TXNRD1: variants seen among roughly 807,000 people sequenced by gnomAD.
The protein encoded by TXNRD1 is thioredoxin reductase 1.
TXNRD1 carries 57 observed loss-of-function variants against 80.3 expected under a neutral mutation model. The ratio of observed to expected loss-of-function variants is 0.71; its 90% CI spans 0.57 to 0.89. TXNRD1 has a LOEUF of 0.89. Among genes scored for constraint, TXNRD1 ranks in the 40% least tolerant of loss-of-function variants. TXNRD1 has a pLI of 0.00. For synonymous variants in TXNRD1, 291 were observed against 285.2 expected, an observed-to-expected ratio of 1.02 and a Z score of -0.20; for missense variants, 730 against 803.0, an observed-to-expected ratio of 0.91 and a Z score of 1.10.
chr12:104,348,389 G>T lies in TXNRD1; in HGVS notation c.1918G>T (p.Ala640Ser). The part of the protein sequence containing the change: ...TTLSVTKRSG[A>S]SILQAGCUG ...ATTGTCTGTGACCAAGCGCTCTGGG[G>T]CAAGCATCCTCCAGGCTGGCTGCTG... Residue 640 changes from alanine (A) to serine (S), a missense_variant, in exon 17 of 17, where the codon GCA becomes TCA. By Grantham distance (99) the Ala-to-Ser change is moderately conservative (BLOSUM62 1). Coordinates refer to ENST00000525566, the MANE Select transcript of TXNRD1 (RefSeq NM_001093771.3). The T allele has an allele frequency of 2.5e-6, 4 of 1,614,022 alleles. No homozygotes were observed. Among genetic ancestry groups the T allele is most frequent in the Non-Finnish European group, 2.5e-6 (3 of 1,179,898 alleles).
At chr12:104,240,411 TTGAC>T (rs1186591574) in intron 1 of TXNRD1, among the ~76,000 whole-genome samples, 1 of 152,198 alleles carries the variant, frequency 6.6e-6, no homozygotes, top group Non-Finnish European at 1.5e-5. Context: ...GTTGGTCACA[TTGAC>T]TGAACATTTT....
intron 3 of TXNRD1, among the ~76,000 whole-genome samples, chr12:104,260,478 C>CA (rs11295921): frequency 5.3e-5 from 8 of 151,700 alleles, no homozygotes; most frequent in Non-Finnish European, 7.4e-5. Flanking sequence ...ACAAAACAAA[C>CA]AAAAAAAAAA....
intron 1 of TXNRD1, among the ~76,000 whole-genome samples, chr12:104,226,200 C>CA (rs559320137): frequency 7.3e-5 from 11 of 149,910 alleles, no homozygotes; most frequent in East Asian, 5.9e-4. Flanking sequence ...AACTCTGTCT[C>CA]AAAAAAAACA....
chr12:104,275,508 T>G (rs2033739055), intron 3 of TXNRD1, among the ~76,000 whole-genome samples: 1 of 151,782 alleles, frequency 6.6e-6, no homozygotes, highest in Non-Finnish European at 1.5e-5. Context: ...CTCAGCCTCC[T>G]GAGTAGCTGG....
intron 11 of TXNRD1, 133 bp downstream of exon 11, chr12:104,325,562 A>C: frequency 1.5e-6 from 1 of 667,800 alleles, no homozygotes; most frequent in Non-Finnish European, 2.6e-6. Flanking sequence ...AGACATCTCA[A>C]TAACTTATGA....
rs200644729 is a variant in TXNRD1 at position 104,303,987 on chromosome 12, C to T, written c.415-7303C>T. The stretch of plus-strand genomic sequence containing the variant: ...GCGGGCTGCTCCGACGACCTCAGCT[C>T]TGGGGAGGCCGACGTAGACCCAAAG... On this transcript the variant is annotated intron_variant, in intron 4 of 16. Transcript: ENST00000525566. The T allele has an allele frequency of 1.7e-4, 267 of 1,608,514 alleles. No homozygotes were observed. The African/African-American group carries it at 3.4e-3, about 21-fold the overall frequency.
In TXNRD1 at chr12:104,273,773, A is replaced by G. The variant is rs185207314; in HGVS notation, c.305-15158A>G. 1.8e-3 allele frequency among the ~76,000 whole-genome samples: 278 copies of G among 152,382 alleles called. 2 individuals carry two copies. Among genetic ancestry groups the G allele is most frequent in the Middle Eastern group, 0.017 (5 of 294 alleles). Reference sequence around the variant, plus strand: ...ATGGTGAAGAAAGAGGAAGAGGATTAGAAAACCTGCCCCCAAAGCAATAGT... The same window carrying G: ...ATGGTGAAGAAAGAGGAAGAGGATTGGAAAACCTGCCCCCAAAGCAATAGT... On this transcript the variant is annotated intron_variant, in intron 3 of 16. Coordinates refer to ENST00000525566, the MANE Select transcript of TXNRD1 (RefSeq NM_001093771.3).
chr12:104,332,559 G>A (rs934249018), intron 14 of TXNRD1, among the ~76,000 whole-genome samples: 4 of 151,970 alleles, frequency 2.6e-5, no homozygotes, highest in Non-Finnish European at 5.9e-5. Context: ...AGACCAGCCT[G>A]ACCAACGTGG....
At chr12:104,267,123 G>T (rs755888319) in intron 3 of TXNRD1, among the ~76,000 whole-genome samples, 2 of 147,662 alleles carry the variant, frequency 1.4e-5, no homozygotes, top group East Asian at 2.0e-4. Flanking sequence ...CCGAGATCGC[G>T]CCACTGCACT....
chr12:104,272,595 C>T, intron 3 of TXNRD1, among the ~76,000 whole-genome samples: 1 of 152,056 alleles, frequency 6.6e-6, no homozygotes, highest in Non-Finnish European at 1.5e-5. Flanking sequence ...GAGATCAAGA[C>T]CATCCTGGCT....
At chr12:104,236,975 T>G (rs568193335) in intron 1 of TXNRD1, among the ~76,000 whole-genome samples, 1 of 151,664 alleles carries the variant, frequency 6.6e-6, no homozygotes, top group East Asian at 1.9e-4. Context: ...GGCCCTAAGA[T>G]AACTTCTGGT....
intron 4 of TXNRD1, among the ~76,000 whole-genome samples, chr12:104,298,461 C>T (rs1452784711): frequency 6.6e-6 from 1 of 152,148 alleles, no homozygotes; most frequent in African/African-American, 2.4e-5. Flanking sequence ...CGCAGTGGCT[C>T]ACACCTGTAA....
At chr12:104,304,013 C>A (rs1318459962) in intron 4 of TXNRD1, 2 of 1,611,938 alleles carry the variant, frequency 1.2e-6, no homozygotes. Flanking sequence ...AGACCCAAAG[C>A]TCCTGGAGCT....
chr12:104,235,938 C>A (rs1490506483), intron 1 of TXNRD1, among the ~76,000 whole-genome samples: 1 of 152,130 alleles, frequency 6.6e-6, no homozygotes, highest in Non-Finnish European at 1.5e-5. Flanking sequence ...ATCAAGTAAA[C>A]CAGTTTGTTA....
intron 1 of TXNRD1, among the ~76,000 whole-genome samples, chr12:104,231,233 T>A (rs1038956531): frequency 6.6e-6 from 1 of 152,110 alleles, no homozygotes; most frequent in African/African-American, 2.4e-5. Flanking sequence ...CCCTAACTGC[T>A]GTTAGGGGGT....
intron 1 of TXNRD1, among the ~76,000 whole-genome samples, chr12:104,218,154 A>C (rs572962170): frequency 6.6e-6 from 1 of 151,838 alleles, no homozygotes; most frequent in Non-Finnish European, 1.5e-5. Context: ...CAGTCTCCCA[A>C]ATAGCTGGGA....
intron 4 of TXNRD1, chr12:104,303,729 G>T (rs2034744247): frequency 1.2e-6 from 1 of 839,126 alleles, no homozygotes; most frequent in South Asian, 2.1e-5. Flanking sequence ...GGGCCGGGCC[G>T]CTAGTGCGCA....
intron 13 of TXNRD1, among the ~76,000 whole-genome samples, chr12:104,328,016 G>A (rs918317713): frequency 3.2e-4 from 48 of 151,598 alleles, no homozygotes; most frequent in African/African-American, 2.4e-5. Context: ...AAAATTAGCT[G>A]GGCATGGTGG....
rs767835391 is a variant in TXNRD1 at position 104,215,900 on chromosome 12, C to T, written c.91+7C>T. Reference sequence around the variant, plus strand: ...GATGGCCGCCGTAGGTCAGGTACGACCGAGGGCGAAGGCCTGGTCCCCAGG... The same window carrying T: ...GATGGCCGCCGTAGGTCAGGTACGATCGAGGGCGAAGGCCTGGTCCCCAGG... On this transcript the variant is annotated splice_region_variant and intron_variant, in intron 1 of 16. Coordinates refer to ENST00000525566, the MANE Select transcript of TXNRD1 (RefSeq NM_001093771.3). 24 of 1,550,856 alleles carry T rather than the reference C, an allele frequency of 1.5e-5. No homozygotes were observed. Among genetic ancestry groups the T allele is most frequent in the Non-Finnish European group, 2.1e-5 (24 of 1,146,788 alleles).
Sources: allele counts gnomAD v4.1 joint callset (sites outside exome capture counted in the v4.1 genomes callset), GRCh38; gene constraint gnomAD v4.1.1; transcripts MANE v1.5; gene names NCBI Gene and HGNC (gene_info 2026-07-23, HGNC 2026-07-21).